The following IFT88 variants were observed in gnomAD, a reference collection of about 807,000 sequenced individuals.
IFT88 encodes the protein intraflagellar transport protein 88 homolog.
IFT88 carries 74 observed loss-of-function variants against 119.5 expected under a neutral mutation model. The ratio of observed to expected loss-of-function variants is 0.62; its 90% CI spans 0.51 to 0.75. IFT88 has a LOEUF of 0.75. Among genes scored for constraint, IFT88 ranks in the 30% least tolerant of loss-of-function variants. The pLI is 0.00. For missense variants in IFT88, 961 were observed against 977.7 expected, an observed-to-expected ratio of 0.98 and a Z score of 0.23; for synonymous variants, 279 against 316.7, an observed-to-expected ratio of 0.88 and a Z score of 1.26.
chr13:20,677,020 C>T (rs1003315667), intron 24 of IFT88, among the ~76,000 whole-genome samples: 4 of 152,262 alleles, frequency 2.6e-5, no homozygotes, highest in East Asian at 3.9e-4. Flanking sequence ...CATTTTCTCA[C>T]GTTTTCTAGC....
At chr13:20,636,477 C>T (rs1029990559) in intron 16 of IFT88, among the ~76,000 whole-genome samples, 3 of 152,240 alleles carry the variant, frequency 2.0e-5, no homozygotes, top group African/African-American at 7.2e-5. Context: ...CAATCATACC[C>T]AGTTAAAATA....
At position 20,631,058 on chromosome 13, in the gene IFT88, G is replaced by A. The variant is rs777188849; in HGVS notation, c.1342G>A (p.Val448Met). 5 of 1,607,196 alleles carry A rather than the reference G, an allele frequency of 3.1e-6. No individual in the cohort carries two copies. Among genetic ancestry groups the A allele is most frequent in the Non-Finnish European group, 8.5e-7 (1 of 1,173,702 alleles). Residue 448 changes from valine to methionine, a missense_variant, in exon 16 of 26, where the codon GTG (valine) becomes ATG (methionine). Transcript: ENST00000351808. ...AGTGTTGGAAAAAAAGGACAGTAGA[G>A]TGAAAAGTGCAGCTGCAACCAATCT... ...LKVLEKKDSR[V>M]KSAAATNLSA...
intron 12 of IFT88, among the ~76,000 whole-genome samples, chr13:20,602,285 A>G (rs560062420): frequency 6.8e-4 from 98 of 144,444 alleles, no homozygotes; most frequent in African/African-American, 2.3e-3. Flanking sequence ...GCTCACTGCA[A>G]TCTCTGCCTC....
chr13:20,567,224 C>T lies in IFT88; in HGVS notation c.-39C>T, dbSNP rs891809598. ...CCAACCGCTGCGTCGTCCCTGGGCCCGAATAACTGTCGCCCGCTTCCCTCA... is the reference window on the plus strand; with the variant it reads ...CCAACCGCTGCGTCGTCCCTGGGCCTGAATAACTGTCGCCCGCTTCCCTCA... On this transcript the variant is annotated 5_prime_UTR_variant, in exon 1 of 26. Transcript: ENST00000351808. The T allele has an allele frequency of 6.6e-6, 1 of 152,298 alleles. No homozygotes were observed. 9.4% of individuals were successfully genotyped at this position (152,298 alleles called of 1,614,324 possible). A position where few individuals can be genotyped will look rare whatever the true frequency, so the allele number is the denominator to read the frequency against.
chr13:20,638,249 CTATT>C, intron 16 of IFT88, 79 bp from the exon 17 acceptor site: 2 of 716,530 alleles, frequency 2.8e-6, no homozygotes, highest in South Asian at 5.3e-5. Flanking sequence ...CTCAGAAAGT[CTATT>C]TATTATGTCT....
At chr13:20,585,118 C>T (rs1013582139) in intron 3 of IFT88, among the ~76,000 whole-genome samples, 19 of 152,106 alleles carry the variant, frequency 1.2e-4, no homozygotes, top group African/African-American at 4.3e-4. Flanking sequence ...GTAGCTTGCC[C>T]ATCTCATTTG....
chr13:20,574,453 A>G lies in IFT88; in HGVS notation c.68A>G (p.Tyr23Cys). Residue 23 changes from tyrosine (Y) to cysteine (C), a missense_variant, in exon 2 of 26, where the codon TAC becomes TGC. Tyr to Cys is a radical substitution (Grantham distance 194). Coordinates refer to ENST00000351808, the MANE Select transcript of IFT88 (RefSeq NM_006531.5). ...EDDLYSGYNDYNPIYDIEELE... is the reference protein window; with the variant it reads ...EDDLYSGYNDCNPIYDIEELE... ...GATCTTTATTCCGGCTATAATGACTACAATCCAATCTATGATATCGAGGTA... is the reference window on the plus strand; with the variant it reads ...GATCTTTATTCCGGCTATAATGACTGCAATCCAATCTATGATATCGAGGTA... The G allele has an allele frequency of 6.2e-7, 1 of 1,604,988 alleles. No homozygotes were observed. Among genetic ancestry groups the G allele is most frequent in the Non-Finnish European group, 8.5e-7 (1 of 1,172,712 alleles).
At chr13:20,640,611 T>TAAATAAAC (rs2049776060) in intron 17 of IFT88, among the ~76,000 whole-genome samples, 1 of 150,826 alleles carries the variant, frequency 6.6e-6, no homozygotes, top group Non-Finnish European at 1.5e-5. Context: ...AATAAATAAA[T>TAAATAAAC]ACAAATTAAT....
intron 16 of IFT88, among the ~76,000 whole-genome samples, chr13:20,638,105 A>T (rs1168723174): frequency 6.6e-6 from 1 of 152,202 alleles, no homozygotes; most frequent in Non-Finnish European, 1.5e-5. Flanking sequence ...TAGTGTTGTT[A>T]TTCTAACCAT....
At chr13:20,581,105 A>G (rs78032019) in intron 2 of IFT88, among the ~76,000 whole-genome samples, 1,795 of 152,292 alleles carry the variant, frequency 0.012, 36 homozygotes, top group African/African-American at 0.041. Flanking sequence ...TTTAATGTGA[A>G]GTGAATACTC....
At chr13:20,646,534 T>G (rs943781252) in intron 20 of IFT88, among the ~76,000 whole-genome samples, 1 of 152,056 alleles carries the variant, frequency 6.6e-6, no homozygotes, top group Non-Finnish European at 1.5e-5. Flanking sequence ...GTGAGGCTGG[T>G]CTTGAACTCC....
chr13:20,583,976 T>C (rs2039184825), intron 3 of IFT88, among the ~76,000 whole-genome samples: 1 of 152,212 alleles, frequency 6.6e-6, no homozygotes, highest in Non-Finnish European at 1.5e-5. Context: ...TATGCTGTTC[T>C]ATTGGTCTAT....
intron 20 of IFT88, among the ~76,000 whole-genome samples, chr13:20,646,941 C>A (rs2050852373): frequency 6.6e-6 from 1 of 151,790 alleles, no homozygotes; most frequent in South Asian, 2.1e-4. Flanking sequence ...TGATTCCATT[C>A]CTTTACACAG....
At chr13:20,585,248 G>C (rs188689561) in intron 3 of IFT88, among the ~76,000 whole-genome samples, 241 of 152,232 alleles carry the variant, frequency 1.6e-3, no homozygotes, top group Non-Finnish European at 3.1e-3. Flanking sequence ...GCAAGTTCAT[G>C]GTTCCCAGAA....
At chr13:20,689,990 G>A (rs1456135588) in intron 24 of IFT88, among the ~76,000 whole-genome samples, 1 of 152,196 alleles carries the variant, frequency 6.6e-6, no homozygotes, top group Non-Finnish European at 1.5e-5. Context: ...GAAATGGTAA[G>A]GTTTTGGATA....
At chr13:20,655,732 G>A (rs891209181) in intron 21 of IFT88, among the ~76,000 whole-genome samples, 4 of 151,950 alleles carry the variant, frequency 2.6e-5, no homozygotes, top group Non-Finnish European at 1.5e-5. Context: ...GGCCTCAAGT[G>A]GTCCACCCAC....
chr13:20,676,507 T>A (rs1330929222), intron 24 of IFT88, among the ~76,000 whole-genome samples: 1 of 152,248 alleles, frequency 6.6e-6, no homozygotes, highest in African/African-American at 2.4e-5. Flanking sequence ...GCCCATGTTC[T>A]CACCACTGCC....
chr13:20,615,530 G>C (rs2045464262), intron 13 of IFT88, among the ~76,000 whole-genome samples: 1 of 152,156 alleles, frequency 6.6e-6, no homozygotes, highest in Non-Finnish European at 1.5e-5. Flanking sequence ...TATCTCTTCA[G>C]TTTGTCAGAA....
At chr13:20,613,313 A>G (rs893974790) in intron 13 of IFT88, among the ~76,000 whole-genome samples, 2 of 152,198 alleles carry the variant, frequency 1.3e-5, no homozygotes, top group Non-Finnish European at 2.9e-5. Context: ...AGATACACAG[A>G]TGCCCAATAC....
Sources: gnomAD v4.1 joint callset for allele counts (sites outside exome capture counted in the v4.1 genomes callset) on GRCh38, gnomAD v4.1.1 for gene constraint, MANE v1.5 for transcripts, NCBI Gene and HGNC (gene_info 2026-07-23, HGNC 2026-07-21) for gene names.